Variants in PTPN14 observed in about 807,000 individuals in gnomAD.
PTPN14 encodes tyrosine-protein phosphatase non-receptor type 14.
A neutral mutation model predicts 126.8 loss-of-function variants in PTPN14; 53 were observed. The ratio of observed to expected loss-of-function variants is 0.42; its 90% CI spans 0.34 to 0.53. PTPN14 has a LOEUF of 0.53. Ranked by LOEUF, PTPN14 falls within the 20% of genes least tolerant of loss-of-function variation. The pLI, the probability that PTPN14 is intolerant of heterozygous loss-of-function variation, is 0.08. For synonymous variants in PTPN14, 630 were observed against 599.3 expected, an observed-to-expected ratio of 1.05 and a Z score of -0.75; for missense variants, 1,257 against 1,552.9, an observed-to-expected ratio of 0.81 and a Z score of 3.20.
At chr1:214,512,568 T>C (rs1190373995) in intron 1 of PTPN14, among the ~76,000 whole-genome samples, 1 of 152,108 alleles carries the variant, frequency 6.6e-6, no homozygotes, top group Non-Finnish European at 1.5e-5. Context: ...TGGAGAGGTG[T>C]TGTTTAATGG....
chr1:214,487,515 G>T (rs554158551), intron 1 of PTPN14, among the ~76,000 whole-genome samples: 21 of 151,962 alleles, frequency 1.4e-4, no homozygotes, highest in African/African-American at 4.6e-4. Context: ...AATCCCAGTT[G>T]CTCAGGAGGC....
intron 11 of PTPN14, among the ~76,000 whole-genome samples, chr1:214,389,256 T>C (rs1200043416): frequency 6.6e-6 from 1 of 152,206 alleles, no homozygotes; most frequent in Non-Finnish European, 1.5e-5. Context: ...AATAAGTAAG[T>C]TACGGTTTAT....
intron 3 of PTPN14, among the ~76,000 whole-genome samples, chr1:214,427,692 T>C (rs1659699449): frequency 6.6e-6 from 1 of 151,214 alleles, no homozygotes; most frequent in African/African-American, 2.4e-5. Flanking sequence ...ATAGGTCCAA[T>C]GAGAAAAAAG....
rs1215259915 is a variant in PTPN14 at position 214,352,794 on chromosome 1, C to T, written c.*5128G>A. 3 of 152,156 alleles carry T rather than the reference C, an allele frequency of 2.0e-5. No homozygotes were observed. The highest frequency in any genetic ancestry group is 2.9e-5 in the Non-Finnish European group (2 of 68,030). 9.4% of individuals were successfully genotyped at this position (152,156 alleles called of 1,614,324 possible). ...GGAAACCATGCTGGATGAGCTGTTG[C>T]TCTGCTCATGAAAAGAAATCACTAA... On this transcript the variant is annotated 3_prime_UTR_variant, in exon 19 of 19. Transcript: ENST00000366956.
intron 3 of PTPN14, among the ~76,000 whole-genome samples, chr1:214,449,270 T>C (rs1660218939): frequency 6.6e-6 from 1 of 152,004 alleles, no homozygotes; most frequent in African/African-American, 2.4e-5. Context: ...CCTCCCAAAG[T>C]GCTGGGATTA....
chr1:214,464,829 C>T lies in PTPN14; in HGVS notation c.-26G>A, dbSNP rs10864100. 1,296,554 of 1,609,482 alleles carry T rather than the reference C, an allele frequency of 0.81. 523,146 individuals carry two copies. The highest frequency in any genetic ancestry group is 0.89 in the African/African-American group (67,058 of 75,002). On this transcript the variant is annotated 5_prime_UTR_variant, in exon 2 of 19. Transcript: ENST00000366956. ...GGCTATGTGGTCCTCGGACGCCGCC[C>T]GCCTATCCTGGCGCACACGCCCCTG...
At chr1:214,479,935 T>C (rs547074245) in intron 1 of PTPN14, among the ~76,000 whole-genome samples, 4 of 152,350 alleles carry the variant, frequency 2.6e-5, no homozygotes, top group South Asian at 2.1e-4. Context: ...GTAACTGAGA[T>C]TGTACCATCT....
intron 3 of PTPN14, among the ~76,000 whole-genome samples, chr1:214,423,386 T>C (rs1242386964): frequency 6.6e-6 from 1 of 152,082 alleles, no homozygotes; most frequent in Non-Finnish European, 1.5e-5. Context: ...TGTTAAGTCA[T>C]ATGGCTAGGC....
intron 3 of PTPN14, among the ~76,000 whole-genome samples, chr1:214,433,809 C>A (rs1397002559): frequency 2.0e-5 from 3 of 151,890 alleles, no homozygotes; most frequent in Non-Finnish European, 4.4e-5. Flanking sequence ...ACTTCTAGAG[C>A]TGGGCGTGGT....
At chr1:214,386,556 G>A (rs1228358118) in intron 12 of PTPN14, among the ~76,000 whole-genome samples, 2 of 152,204 alleles carry the variant, frequency 1.3e-5, no homozygotes, top group African/African-American at 4.8e-5. Flanking sequence ...CGCTTGGGCT[G>A]AGCTGTCATA....
At chr1:214,452,441 A>T (rs1572009141) in intron 2 of PTPN14, among the ~76,000 whole-genome samples, 1 of 152,236 alleles carries the variant, frequency 6.6e-6, no homozygotes, top group Admixed American at 6.5e-5. Context: ...TCTGCACTGT[A>T]GAATATTTTC....
intron 3 of PTPN14, among the ~76,000 whole-genome samples, chr1:214,415,720 A>G (rs1291919523): frequency 1.3e-5 from 2 of 152,134 alleles, no homozygotes; most frequent in East Asian, 1.9e-4. Flanking sequence ...AGTCAATCCA[A>G]TGCCTGTTTG....
intron 1 of PTPN14, among the ~76,000 whole-genome samples, chr1:214,482,645 T>C (rs1323792156): frequency 6.6e-6 from 1 of 152,152 alleles, no homozygotes; most frequent in East Asian, 1.9e-4. Context: ...AAAGCAACGT[T>C]GAACTTTCAT....
rs1040143388 is a variant in PTPN14, at chr1:214,411,716, C to T, written c.478G>A (p.Asp160Asn). The T allele has an allele frequency of 2.6e-6, 4 of 1,512,488 alleles. No homozygotes were observed. Among genetic ancestry groups the T allele is most frequent in the Non-Finnish European group, 3.6e-6 (4 of 1,096,360 alleles). The allele number at this position is 1,512,488 out of a possible 1,614,324, so 93.7% of individuals were successfully genotyped here. ...AATAGCACATACTCTCTGAGGAAAT[C>T]TTGAGAATCAAACTGATTATAGTCT... ...FGDYNQFDSQDFLREYVLFPM... is the reference protein window; with the variant it reads ...FGDYNQFDSQNFLREYVLFPM... Residue 160 changes from aspartate (D) to asparagine (N), a missense_variant, in exon 5 of 19, where the codon GAT (aspartate) becomes AAT (asparagine). Physicochemically the swap from Asp to Asn is conservative, Grantham distance 23. This residue lies in a region of PTPN14 where 1,021 missense variants were observed against 1,183.3 expected (regional missense o/e 0.86). Coordinates refer to ENST00000366956, the MANE Select transcript of PTPN14 (RefSeq NM_005401.5).
chr1:214,403,640 A>G (rs2102568417), intron 5 of PTPN14, among the ~76,000 whole-genome samples: 1 of 152,370 alleles, frequency 6.6e-6, no homozygotes, highest in Admixed American at 6.5e-5. Context: ...CCGTAACACC[A>G]CAGTGGGAGG....
At chr1:214,361,203 C>G (rs1334093826) in intron 18 of PTPN14, among the ~76,000 whole-genome samples, 1 of 152,220 alleles carries the variant, frequency 6.6e-6, no homozygotes, top group Non-Finnish European at 1.5e-5. Context: ...CACAGTGTCA[C>G]TGCAAAGGCT....
At position 214,384,116 on chromosome 1, in the gene PTPN14, G is replaced by A. The variant is rs1374406925; in HGVS notation, c.1739C>T (p.Pro580Leu). 5 of 1,575,214 alleles carry A rather than the reference G, an allele frequency of 3.2e-6. No individual in the cohort carries two copies. Among genetic ancestry groups the A allele is most frequent in the Non-Finnish European group, 4.3e-6 (5 of 1,163,456 alleles). Residue 580 changes from proline (P) to leucine (L), a missense_variant, in exon 13 of 19, where the codon CCA becomes CTA. Pro to Leu is a moderately conservative substitution (Grantham distance 98). Transcript: ENST00000366956. This position sits in a 1 kb window ranked among gnomAD's most constrained non-coding sequence, Gnocchi z 5.3. ...CTTGTGGCGGTGGCTGGCCAGGTCTGGGGTGCTGGTGGCAGGTCGTGGCCG... is the reference window on the plus strand; with the variant it reads ...CTTGTGGCGGTGGCTGGCCAGGTCTAGGGTGCTGGTGGCAGGTCGTGGCCG... ...YPRPRPATST[P>L]DLASHRHKYV...
intron 2 of PTPN14, 67 bp from the exon 3 acceptor site, chr1:214,452,041 C>T (rs935135248): frequency 1.1e-5 from 17 of 1,519,956 alleles, no homozygotes; most frequent in African/African-American, 6.9e-5. Context: ...ACACAAGAAA[C>T]GAGACTCCAG....
chr1:214,548,399 C>T (rs1321315302), intron 1 of PTPN14, among the ~76,000 whole-genome samples: 1 of 152,106 alleles, frequency 6.6e-6, no homozygotes, highest in Non-Finnish European at 1.5e-5. Flanking sequence ...GATCCAAAAG[C>T]GTATTTTAAC....
Sources: allele counts gnomAD v4.1 joint callset (sites outside exome capture counted in the v4.1 genomes callset), GRCh38; gene constraint gnomAD v4.1.1; regional missense constraint gnomAD v4.1.1; non-coding constraint Gnocchi (gnomAD v3.1); transcripts MANE v1.5; gene names NCBI Gene and HGNC (gene_info 2026-07-23, HGNC 2026-07-21).